IST1: variants seen among roughly 807,000 people sequenced by gnomAD.
IST1 encodes IST1 factor associated with ESCRT-III, also known as IST1 homolog.
IST1 carries 23 observed loss-of-function variants against 37.0 expected under a neutral mutation model. The observed-to-expected ratio is 0.62, with a 90% CI of 0.45 to 0.88. The LOEUF (loss-of-function observed/expected upper bound fraction) is 0.88. Ranked by LOEUF, IST1 falls within the 40% of genes least tolerant of loss-of-function variation. The pLI, the probability that IST1 is intolerant of heterozygous loss-of-function variation, is 0.00. For missense variants in IST1, 488 were observed against 445.4 expected, an observed-to-expected ratio of 1.10 and a Z score of -0.86; for synonymous variants, 180 against 161.7, an observed-to-expected ratio of 1.11 and a Z score of -0.86.
chr16:71,914,655 C>T (rs1434144075), intron 1 of IST1, among the ~76,000 whole-genome samples: 1 of 152,022 alleles, frequency 6.6e-6, no homozygotes, highest in Non-Finnish European at 1.5e-5. Flanking sequence ...CTTTTGGGGG[C>T]AATTTTACAA....
intron 1 of IST1, among the ~76,000 whole-genome samples, chr16:71,908,457 G>A (rs546332532): frequency 1.3e-5 from 2 of 151,682 alleles, no homozygotes; most frequent in African/African-American, 4.8e-5. Flanking sequence ...GTGCCACCAC[G>A]CCCGGATAAT....
At chr16:71,925,255 T>C (rs1597258561) in intron 9 of IST1, among the ~76,000 whole-genome samples, 1 of 151,320 alleles carries the variant, frequency 6.6e-6, no homozygotes, top group South Asian at 2.1e-4. Context: ...CCTTGTGAGA[T>C]CCGCCTGCCT....
chr16:71,895,403 C>T (rs556089420), upstream of IST1: 222 of 484,188 alleles, frequency 4.6e-4, 1 homozygote, highest in African/African-American at 4.5e-3. Context: ...AGGGAGGGTG[C>T]CCCGAGTCAG....
chr16:71,921,074 G>A, intron 5 of IST1: 1 of 603,800 alleles, frequency 1.7e-6, no homozygotes, highest in South Asian at 1.9e-5. Flanking sequence ...GGTTGGAAGT[G>A]AGGTGGGGAG....
In IST1 at chr16:71,930,127, C is replaced by G. The variant is rs1262993558; in HGVS notation, c.*2314C>G. 1.9e-6 allele frequency: 3 copies of G among 1,551,514 alleles called. No homozygotes were observed. The African/African-American group carries it at 4.1e-5, about 21-fold the overall frequency. On this transcript the variant is annotated 3_prime_UTR_variant, in exon 10 of 10. Coordinates refer to ENST00000378799, the MANE Select transcript of IST1 (RefSeq NM_001270975.2). ...AAAGATTAATTACCACAAGTACCAT[C>G]AAGATGACACTGGTGAGGATCAGAA...
At chr16:71,922,410 C>T in intron 6 of IST1, 64 bp from the exon 7 acceptor site, 3 of 1,393,806 alleles carry the variant, frequency 2.2e-6, no homozygotes, top group Non-Finnish European at 3.0e-6. Flanking sequence ...ATCTCAGACT[C>T]CGCTTTCTGG....
upstream of IST1, chr16:71,895,086 C>T: frequency 2.5e-6 from 1 of 400,168 alleles, no homozygotes; most frequent in Non-Finnish European, 4.6e-6. Flanking sequence ...GAAACCCCCT[C>T]GGCCGCTCCA....
intron 1 of IST1, among the ~76,000 whole-genome samples, chr16:71,906,118 C>G: frequency 6.6e-6 from 1 of 151,572 alleles, no homozygotes; most frequent in East Asian, 1.9e-4. Flanking sequence ...ATTCTCCTGC[C>G]TCAGCCTCCC....
intron 8 of IST1, chr16:71,924,488 G>A (rs1054070371): frequency 7.5e-6 from 4 of 536,510 alleles, no homozygotes; most frequent in Non-Finnish European, 1.3e-5. Context: ...CTATGCAGGA[G>A]GCTGAGGCGG....
chr16:71,915,531 C>A (rs922664335), intron 1 of IST1, 95 bp from the exon 2 acceptor site: 2 of 718,898 alleles, frequency 2.8e-6, no homozygotes, highest in Non-Finnish European at 4.6e-6. Context: ...TAGAAAAACA[C>A]TCTGTTTTTG....
chr16:71,917,989 A>G (rs1440139370), intron 4 of IST1, among the ~76,000 whole-genome samples: 1 of 152,208 alleles, frequency 6.6e-6, no homozygotes, highest in Non-Finnish European at 1.5e-5. Flanking sequence ...AGAGTGAGGC[A>G]CTAAAAAGGA....
intron 6 of IST1, among the ~76,000 whole-genome samples, chr16:71,922,173 G>A (rs960122903): frequency 1.1e-4 from 17 of 152,086 alleles, no homozygotes; most frequent in Non-Finnish European, 1.9e-4. Flanking sequence ...TAAGGTCAGT[G>A]GGGTGTGGTG....
intron 4 of IST1, among the ~76,000 whole-genome samples, chr16:71,920,162 T>C (rs1056513773): frequency 1.3e-5 from 2 of 152,184 alleles, no homozygotes; most frequent in Admixed American, 1.3e-4. Flanking sequence ...AGGAACTTGC[T>C]TATGAGAAGA....
At chr16:71,898,979 AAAAAG>A (rs1282173907) in intron 1 of IST1, among the ~76,000 whole-genome samples, 1 of 151,720 alleles carries the variant, frequency 6.6e-6, no homozygotes, top group Non-Finnish European at 1.5e-5. Flanking sequence ...AAAAAAAAAA[AAAAAG>A]AAACACTCTT....
At chr16:71,896,764 G>A (rs1298214021) in intron 1 of IST1, among the ~76,000 whole-genome samples, 2 of 152,054 alleles carry the variant, frequency 1.3e-5, no homozygotes, top group Non-Finnish European at 2.9e-5. Flanking sequence ...ATGATCACTT[G>A]AGCTTGGGAG....
At position 71,895,555 on chromosome 16, in the gene IST1, C is replaced by A. The variant is rs572407011; in HGVS notation, c.-50C>A. ...CATTTTGGATGGTGAACCCTGAAGT[C>A]GGTGTCTGCTGCGTTCACGGCAGGA... On this transcript the variant is annotated 5_prime_UTR_variant, in exon 1 of 10. Coordinates refer to ENST00000378799, the MANE Select transcript of IST1 (RefSeq NM_001270975.2). The A allele has an allele frequency of 2.0e-6, 2 of 985,512 alleles. No homozygotes were observed. The highest frequency in any genetic ancestry group is 1.1e-4 in the East Asian group (1 of 8,824). The allele number at this position is 985,512 out of a possible 1,614,324, so 61.0% of individuals were successfully genotyped here. A position where few individuals can be genotyped will look rare whatever the true frequency, so the allele number is the denominator to read the frequency against.
intron 1 of IST1, among the ~76,000 whole-genome samples, chr16:71,910,193 A>G (rs964149674): frequency 6.6e-6 from 1 of 152,176 alleles, no homozygotes; most frequent in Non-Finnish European, 1.5e-5. Context: ...TAGTTTGATG[A>G]AATCTCGTGC....
chr16:71,915,824 C>G lies in IST1; in HGVS notation c.88+96C>G, dbSNP rs575502894. The G allele has an allele frequency of 5.3e-5, 39 of 735,856 alleles. No homozygotes were observed. The African/African-American group carries it at 6.7e-4, about 13-fold the overall frequency. 45.6% of individuals were successfully genotyped at this position (735,856 alleles called of 1,614,324 possible). On this transcript the variant is annotated intron_variant, in intron 2 of 9. Coordinates refer to ENST00000378799, the MANE Select transcript of IST1 (RefSeq NM_001270975.2). ...GCCAGTACTATGAAGTCTTAGGGAT[C>G]ATATTTTTTTTTGTTGTTTTTGTTG...
intron 1 of IST1, among the ~76,000 whole-genome samples, chr16:71,910,374 A>C (rs1414706435): frequency 1.3e-5 from 2 of 152,116 alleles, no homozygotes; most frequent in Non-Finnish European, 1.5e-5. Context: ...TGGGAGGCCG[A>C]GGCAGGCGGA....
Sources: gnomAD v4.1 joint callset for allele counts (sites outside exome capture counted in the v4.1 genomes callset) on GRCh38, gnomAD v4.1.1 for gene constraint, MANE v1.5 for transcripts, NCBI Gene and HGNC (gene_info 2026-07-23, HGNC 2026-07-21) for gene names.